Variants in CAPN5 observed in about 807,000 individuals in gnomAD.
CAPN5 encodes calpain-5.
A neutral mutation model predicts 73.0 loss-of-function variants in CAPN5; 54 were observed. The ratio of observed to expected loss-of-function variants is 0.74; its 90% CI spans 0.59 to 0.93. The LOEUF (loss-of-function observed/expected upper bound fraction) is 0.93, where lower values mean the gene tolerates loss of function less well. CAPN5 is among the 40% of genes least tolerant of loss of function. CAPN5 has a pLI of 0.00. For missense variants in CAPN5, 785 were observed against 882.9 expected (o/e 0.89, Z 1.41); for synonymous variants, 335 against 356.9 (o/e 0.94, Z 0.69).
intron 7 of CAPN5, among the ~76,000 whole-genome samples, chr11:77,117,114 T>TA (rs1950475857): frequency 6.6e-6 from 1 of 152,090 alleles, no homozygotes; most frequent in Non-Finnish European, 1.5e-5. Flanking sequence ...TGTACCCCTG[T>TA]AGTCTCAGCT....
chr11:77,076,610 A>G (rs999046786), intron 1 of CAPN5, among the ~76,000 whole-genome samples: 56 of 152,266 alleles, frequency 3.7e-4, no homozygotes, highest in African/African-American at 1.3e-3. Context: ...GAGTAAGATC[A>G]TGTGTTATTT....
Position 77,098,370 on chromosome 11 carries a change from G to C in CAPN5, c.297+4557G>C, listed in dbSNP as rs1258999833. ...TCCGGGACGGGGCAGCTGGCCGGGC[G>C]GGGGGCTGACCCCCCCACCTCCCTC... is the stretch of plus-strand genomic sequence containing the variant. On this transcript the variant is annotated intron_variant, in intron 3 of 12. Coordinates refer to ENST00000648180, the MANE Select transcript of CAPN5 (RefSeq NM_004055.5). Among the ~76,000 whole-genome samples, 26 of 111,250 alleles carry C rather than the reference G, an allele frequency of 2.3e-4. 1 individual carries two copies. The highest frequency in any genetic ancestry group is 3.6e-4 in the African/African-American group (10 of 27,888). 73.0% of individuals were successfully genotyped at this position (111,250 alleles called of 152,430 possible).
intron 9 of CAPN5, chr11:77,119,453 C>T (rs1555042362): frequency 5.4e-6 from 2 of 373,682 alleles, no homozygotes; most frequent in Admixed American, 7.7e-5. Flanking sequence ...TGGGGCCGGG[C>T]CCTGGGAGGC....
intron 2 of CAPN5, 150 bp downstream of exon 2, chr11:77,085,201 C>G: frequency 1.4e-6 from 1 of 694,002 alleles, no homozygotes; most frequent in Non-Finnish European, 2.4e-6. Context: ...GGATTTGATC[C>G]GGATGGGGAG....
intron 9 of CAPN5, chr11:77,120,229 G>A (rs186630940): frequency 6.6e-6 from 1 of 152,642 alleles, no homozygotes; most frequent in Admixed American, 6.5e-5. Flanking sequence ...TAAGTTTTTT[G>A]TAGAGCTGGG....
chr11:77,121,387 A>G (rs1363050893), intron 10 of CAPN5, among the ~76,000 whole-genome samples: 2 of 152,226 alleles, frequency 1.3e-5, no homozygotes, highest in Non-Finnish European at 2.9e-5. Context: ...TTGCTGGGGC[A>G]TAGACCCTGT....
At position 77,067,027 on chromosome 11, in the gene CAPN5, C is replaced by T. The variant is rs1344203362; in HGVS notation, c.-103C>T. 6.6e-6 allele frequency: 1 copy of T among 152,136 alleles called. No homozygotes were observed. The highest frequency in any genetic ancestry group is 1.5e-5 in the Non-Finnish European group (1 of 68,018). 9.4% of individuals were successfully genotyped at this position (152,136 alleles called of 1,614,324 possible). On this transcript the variant is annotated 5_prime_UTR_variant, in exon 1 of 13. Transcript: ENST00000648180. Reference sequence around the variant, plus strand: ...GGCTGCTGCGCCGGGCGGCTGCAGCCTCCGCTCCAGCGCCCGCGCCGTGCC... The same window carrying T: ...GGCTGCTGCGCCGGGCGGCTGCAGCTTCCGCTCCAGCGCCCGCGCCGTGCC...
chr11:77,094,139 G>A (rs1053813889), intron 3 of CAPN5, among the ~76,000 whole-genome samples: 1 of 152,236 alleles, frequency 6.6e-6, no homozygotes, highest in African/African-American at 2.4e-5. Context: ...TTAGTGTGCA[G>A]ACACCACTGA....
intron 3 of CAPN5, among the ~76,000 whole-genome samples, chr11:77,104,803 A>G (rs1223539604): frequency 1.3e-5 from 2 of 152,222 alleles, no homozygotes; most frequent in African/African-American, 4.8e-5. Flanking sequence ...TCTGGAACAG[A>G]TGCACTGAGG....
chr11:77,072,367 C>G (rs1426274724), intron 1 of CAPN5, among the ~76,000 whole-genome samples: 2 of 152,208 alleles, frequency 1.3e-5, no homozygotes, highest in Non-Finnish European at 2.9e-5. Flanking sequence ...GATCTCGCTG[C>G]CTTGTACTGA....
rs782686862 is a variant in CAPN5, at chr11:77,073,064, A to G, written c.-36+5970A>G. On this transcript the variant is annotated intron_variant, in intron 1 of 12. Coordinates refer to ENST00000648180, the MANE Select transcript of CAPN5 (RefSeq NM_004055.5). ...CCGGGTGAGAGAGAATGTCCTGCAC[A>G]GGGACGCCCAGCTGTATCTACCTGC... 5.4e-6 allele frequency: 7 copies of G among 1,289,416 alleles called. No individual in the cohort carries two copies. The African/African-American group carries it at 1.1e-4, about 20-fold the overall frequency. 79.9% of individuals were successfully genotyped at this position (1,289,416 alleles called of 1,614,324 possible). A position where few individuals can be genotyped will look rare whatever the true frequency, so the allele number is the denominator to read the frequency against.
At chr11:77,070,630 A>G (rs1283726106) in intron 1 of CAPN5, among the ~76,000 whole-genome samples, 3 of 152,254 alleles carry the variant, frequency 2.0e-5, no homozygotes, top group Non-Finnish European at 4.4e-5. Flanking sequence ...GCATCGTTCA[A>G]GAGCATATTC....
chr11:77,068,427 G>A (rs1203862412), intron 1 of CAPN5, among the ~76,000 whole-genome samples: 1 of 152,154 alleles, frequency 6.6e-6, no homozygotes, highest in East Asian at 1.9e-4. Flanking sequence ...GGGTGCCCGG[G>A]AGCTGGGGAT....
intron 3 of CAPN5, chr11:77,103,183 T>G: frequency 6.2e-7 from 1 of 1,613,722 alleles, no homozygotes; most frequent in Non-Finnish European, 8.5e-7. Context: ...TCGGATGCCA[T>G]AGATTGGAAT....
chr11:77,091,004 G>A (rs1051597233), intron 2 of CAPN5, among the ~76,000 whole-genome samples: 2 of 152,210 alleles, frequency 1.3e-5, no homozygotes, highest in Non-Finnish European at 2.9e-5. Flanking sequence ...AAGCCGCCGT[G>A]CAGGTTGGCC....
In CAPN5 at chr11:77,103,222, G is replaced by A. The variant is rs112948638; in HGVS notation, c.298-9367G>A. 2.0e-3 allele frequency: 3,237 copies of A among 1,613,660 alleles called. 66 individuals are homozygous for A. In the African/African-American group the frequency reaches 0.037, roughly 18 times the overall value. On this transcript the variant is annotated intron_variant, in intron 3 of 12. Transcript: ENST00000648180. ...GCCGACGCCCTGGAGTTTGGGGAGC[G>A]CCTGTCGGACCTGGCCAAGATCCGC...
chr11:77,116,354 G>A lies in CAPN5; in HGVS notation c.971+51G>A, dbSNP rs782607655. On this transcript the variant is annotated intron_variant, in intron 7 of 12. Transcript: ENST00000648180. ...CCGGGGCTGAGGGGGCTTCCCACGG[G>A]CCTGGCGGGGAGCACCAGGTGGGGA... is the stretch of plus-strand genomic sequence containing the variant. 3 of 1,461,252 alleles carry A rather than the reference G, an allele frequency of 2.1e-6. No homozygotes were observed. The South Asian group carries it at 3.5e-5, about 17-fold the overall frequency. The allele number at this position is 1,461,252 out of a possible 1,614,324, so 90.5% of individuals were successfully genotyped here.
intron 2 of CAPN5, among the ~76,000 whole-genome samples, chr11:77,085,456 G>T (rs1405786960): frequency 1.3e-5 from 2 of 152,212 alleles, no homozygotes; most frequent in Non-Finnish European, 2.9e-5. Flanking sequence ...TTTTGAAATA[G>T]TCATTTGTGG....
chr11:77,118,259 G>T lies in CAPN5; in HGVS notation c.1074G>T (p.Arg358=). Residue 358 remains arginine, a synonymous_variant, in exon 8 of 13, where the codon CGG becomes CGT. Transcript: ENST00000648180. ...TCCACAAGACGTGGGAGGAGGCCCGGCTGCATGGCGCCTGGACGCTGCATG... is the reference window on the plus strand; with the variant it reads ...TCCACAAGACGTGGGAGGAGGCCCGTCTGCATGGCGCCTGGACGCTGCATG... The part of the protein sequence containing the change: ...LSIHKTWEEA[R]LHGAWTLHED... The T allele has an allele frequency of 3.7e-6, 6 of 1,614,076 alleles. No individual in the cohort carries two copies. The highest frequency in any genetic ancestry group is 3.4e-6 in the Non-Finnish European group (4 of 1,180,022).
Sources: gnomAD v4.1 joint callset for allele counts (sites outside exome capture counted in the v4.1 genomes callset) on GRCh38, gnomAD v4.1.1 for gene constraint, MANE v1.5 for transcripts, NCBI Gene and HGNC (gene_info 2026-07-23, HGNC 2026-07-21) for gene names.